The following ZNF793 variants were observed in gnomAD, a reference collection of about 807,000 sequenced individuals.
ZNF793 encodes zinc finger protein 793.
In ZNF793, 5 loss-of-function variants were observed where a neutral mutation model predicts 12.4. The ratio of observed to expected loss-of-function variants is 0.40; its 90% CI spans 0.21 to 0.84. The LOEUF is 0.84. Ranked by LOEUF, ZNF793 falls within the 40% of genes least tolerant of loss-of-function variation. The probability of loss-of-function intolerance (pLI) is 0.35; values close to 1 mark genes in which losing one functional copy is unlikely to be tolerated. For missense variants in ZNF793, 456 were observed against 495.0 expected (o/e 0.92, Z 0.75); for synonymous variants, 162 against 172.4 (o/e 0.94, Z 0.47).
chr19:37,528,756 G>C (rs1387273829), intron 5 of ZNF793, among the ~76,000 whole-genome samples: 1 of 152,132 alleles, frequency 6.6e-6, no homozygotes, highest in East Asian at 1.9e-4. Flanking sequence ...CTGCCAGGCG[G>C]TCAAGACTTC....
chr19:37,506,653 G>C (rs945806939), upstream of ZNF793: 1 of 152,222 alleles, frequency 6.6e-6, no homozygotes, highest in African/African-American at 2.4e-5. Flanking sequence ...AGGAGGTTTT[G>C]GCATCTGAGA....
In ZNF793 at chr19:37,537,137, CA is replaced by C. The variant is rs749073422; in HGVS notation, c.485del (p.Lys162SerfsTer15). The C allele has an allele frequency of 3.1e-6, 5 of 1,613,014 alleles. No individual in the cohort carries two copies. Among genetic ancestry groups the C allele is most frequent in the Non-Finnish European group, 3.4e-6 (4 of 1,179,500 alleles). Reference protein sequence around the residue: ...LDLIGFKRNCAKKQDECYAYG... With the variant: ...LDLIGFKRNCXKKQDECYAYG... ...TTGATTGGTTTTAAGAGAAACTGTG[CA>C]AAAAAGCAAGATGAGTGTTATGCTT... On this transcript the variant is annotated frameshift_variant, in exon 8 of 8. Transcript: ENST00000627814. LOFTEE classifies it low-confidence loss of function (END_TRUNC).
chr19:37,532,420 C>T lies in ZNF793; in HGVS notation c.80C>T (p.Pro27Leu). The T allele has an allele frequency of 6.2e-7, 1 of 1,614,156 alleles. No individual in the cohort carries two copies. The highest frequency in any genetic ancestry group is 8.5e-7 in the Non-Finnish European group (1 of 1,180,014). ...FTQEEWHRLS[P>L]AQRALYRDVM... ...CAAGAGGAGTGGCACCGGCTGAGTC[C>T]TGCTCAGAGGGCCCTGTACCGGGAT... The change falls in exon 6 of 8, where the codon CCT (proline) becomes CTT (leucine). Residue 27 changes from proline to leucine, a missense_variant. By Grantham distance (98) the Pro-to-Leu change is moderately conservative. Coordinates refer to ENST00000627814, the MANE Select transcript of ZNF793 (RefSeq NM_001013659.3).
intron 2 of ZNF793, among the ~76,000 whole-genome samples, chr19:37,512,176 A>G (rs1388945919): frequency 6.6e-6 from 1 of 152,114 alleles, no homozygotes; most frequent in Non-Finnish European, 1.5e-5. Flanking sequence ...ATAAGAGATT[A>G]TTGTTTTGTT....
At chr19:37,526,365 G>A (rs1001192566) in intron 5 of ZNF793, among the ~76,000 whole-genome samples, 7 of 151,930 alleles carry the variant, frequency 4.6e-5, no homozygotes, top group Admixed American at 1.3e-4. Flanking sequence ...CTCCTGCCTC[G>A]GCCTCCCAAA....
In ZNF793 at chr19:37,537,221, G is replaced by T; in HGVS notation, c.563G>T (p.Arg188Leu). ...AGACGACCTAATGGAGAAAAGCCCC[G>T]GGGTTGCAGTCACTGTGAGAAAGCT... ...HGRRPNGEKPRGCSHCEKAFT... is the reference protein window; with the variant it reads ...HGRRPNGEKPLGCSHCEKAFT... The change falls in exon 8 of 8, where the codon CGG becomes CTG. Residue 188 changes from arginine (R) to leucine (L), a missense_variant. By Grantham distance (102) the Arg-to-Leu change is moderately radical (BLOSUM62 -2). Coordinates refer to ENST00000627814, the MANE Select transcript of ZNF793 (RefSeq NM_001013659.3). 1 of 1,613,878 alleles carries T rather than the reference G, an allele frequency of 6.2e-7. No homozygotes were observed. The highest frequency in any genetic ancestry group is 8.5e-7 in the Non-Finnish European group (1 of 1,179,840).
At chr19:37,530,229 CG>C (rs1377633120) in intron 5 of ZNF793, among the ~76,000 whole-genome samples, 7 of 152,144 alleles carry the variant, frequency 4.6e-5, no homozygotes, top group Admixed American at 1.3e-4. Context: ...AATATACAAT[CG>C]GGTTTTATAC....
At chr19:37,526,454 G>A (rs1448579962) in intron 5 of ZNF793, among the ~76,000 whole-genome samples, 1 of 152,130 alleles carries the variant, frequency 6.6e-6, no homozygotes, top group Admixed American at 6.6e-5. Context: ...TGTGTTCTGT[G>A]GAAATGGCAT....
intron 7 of ZNF793, chr19:37,536,051 C>T (rs2042502010): frequency 6.1e-6 from 1 of 163,146 alleles, no homozygotes; most frequent in African/African-American, 2.4e-5. Flanking sequence ...AGGAAATGTT[C>T]AATTGTAGTT....
At chr19:37,514,892 G>A (rs962876574) in intron 2 of ZNF793, among the ~76,000 whole-genome samples, 67 of 152,154 alleles carry the variant, frequency 4.4e-4, no homozygotes, top group Admixed American at 4.0e-3. Context: ...TACCATAGCC[G>A]CCTCATAGAT....
At chr19:37,522,506 A>C (rs1235614197) in intron 3 of ZNF793, 26 bp from the exon 4 acceptor site, 1 of 152,132 alleles carries the variant, frequency 6.6e-6, no homozygotes, top group Non-Finnish European at 1.5e-5. Context: ...GCCTATAGCA[A>C]CTTTTCTTTT....
chr19:37,518,937 G>T (rs2042354530), intron 2 of ZNF793, among the ~76,000 whole-genome samples: 1 of 152,052 alleles, frequency 6.6e-6, no homozygotes, highest in South Asian at 2.1e-4. Flanking sequence ...CACATTATTG[G>T]ATGTTGAAGA....
rs1440682653 is a variant in ZNF793, at chr19:37,537,938, A to G, written c.*59A>G. On this transcript the variant is annotated 3_prime_UTR_variant, in exon 8 of 8. Transcript: ENST00000627814. ...TTTTTTTTTTTTTTTTTGAGTTGGA[A>G]TCTCACTTTGTCACCCAGGCTGGAG... 57 of 1,441,702 alleles carry G rather than the reference A, an allele frequency of 4.0e-5. No homozygotes were observed. The East Asian group carries it at 1.1e-3, about 29-fold the overall frequency. The allele number at this position is 1,441,702 out of a possible 1,614,324, so 89.3% of individuals were successfully genotyped here.
intron 2 of ZNF793, among the ~76,000 whole-genome samples, chr19:37,511,506 A>G (rs1456341560): frequency 6.6e-6 from 1 of 152,098 alleles, no homozygotes; most frequent in Admixed American, 6.6e-5. Flanking sequence ...ACCCATCTCT[A>G]CTAAAAATAC....
rs146374902 is a variant in ZNF793, at chr19:37,523,466, A to T, written c.15+12A>T. The T allele has an allele frequency of 5.4e-4, 872 of 1,613,416 alleles. 3 individuals carry two copies. In the Middle Eastern group the frequency reaches 6.3e-3, roughly 12 times the overall value. Reference sequence around the variant, plus strand: ...TGATCGAATACCAGGTAAGTATCACATTAAGTAGCCCAGTTTTCCTTCCTG... The same window carrying T: ...TGATCGAATACCAGGTAAGTATCACTTTAAGTAGCCCAGTTTTCCTTCCTG... On this transcript the variant is annotated intron_variant, in intron 5 of 7. Coordinates refer to ENST00000627814, the MANE Select transcript of ZNF793 (RefSeq NM_001013659.3).
chr19:37,529,066 C>A (rs1187172200), intron 5 of ZNF793, among the ~76,000 whole-genome samples: 1 of 152,098 alleles, frequency 6.6e-6, no homozygotes, highest in East Asian at 1.9e-4. Context: ...CTTCAAGATA[C>A]CTGGGTGTTG....
intron 2 of ZNF793, among the ~76,000 whole-genome samples, chr19:37,514,062 G>A: frequency 6.6e-6 from 1 of 152,018 alleles, no homozygotes; most frequent in African/African-American, 2.4e-5. Context: ...CAAGTCAGGA[G>A]GAAATGAACA....
chr19:37,532,066 T>G (rs1864864672), intron 5 of ZNF793, among the ~76,000 whole-genome samples: 3 of 147,592 alleles, frequency 2.0e-5, no homozygotes. Context: ...CAGGCTGGAG[T>G]GTAGTGGTGC....
intron 3 of ZNF793, among the ~76,000 whole-genome samples, chr19:37,520,898 GT>G (rs1226781245): frequency 6.6e-6 from 1 of 151,936 alleles, no homozygotes; most frequent in Non-Finnish European, 1.5e-5. Flanking sequence ...GTTTTGTTTT[GT>G]TTTTTGAGAC....
Sources: gnomAD v4.1 joint callset for allele counts (sites outside exome capture counted in the v4.1 genomes callset) on GRCh38, gnomAD v4.1.1 for gene constraint, MANE v1.5 for transcripts, NCBI Gene and HGNC (gene_info 2026-07-23, HGNC 2026-07-21) for gene names.